UNC13C: variants seen among roughly 807,000 people sequenced by gnomAD.
The protein encoded by UNC13C is unc-13 homolog C, also known as protein unc-13 homolog C.
Under a neutral mutation model 245.4 loss-of-function variants are expected in UNC13C, and 174 were observed. That is an observed-to-expected ratio of 0.71 (90% CI 0.63 to 0.80). The LOEUF (loss-of-function observed/expected upper bound fraction) is 0.80, where lower values mean the gene tolerates loss of function less well. Ranked by LOEUF, UNC13C falls within the 30% of genes least tolerant of loss-of-function variation. UNC13C has a pLI of 0.00. For synonymous variants in UNC13C, 992 were observed against 895.1 expected (o/e 1.11, Z -1.93); for missense variants, 2,829 against 2,602.9 (o/e 1.09, Z -1.89).
chr15:54,103,753 A>C (rs183506499), intron 2 of UNC13C, among the ~76,000 whole-genome samples: 101 of 151,472 alleles, frequency 6.7e-4, no homozygotes, highest in African/African-American at 2.4e-3. Context: ...TTATTTATTT[A>C]TTTTTTTATG....
At chr15:54,242,004 AG>A (rs2035866290) in intron 7 of UNC13C, among the ~76,000 whole-genome samples, 1 of 152,208 alleles carries the variant, frequency 6.6e-6, no homozygotes. Context: ...TACCTTCTGT[AG>A]GGCCTAGGGC....
intron 13 of UNC13C, among the ~76,000 whole-genome samples, chr15:54,313,797 A>G (rs2037936009): frequency 6.6e-6 from 1 of 151,738 alleles, no homozygotes; most frequent in Admixed American, 6.6e-5. Flanking sequence ...CAAAGTAAAT[A>G]AAATCATTAT....
chr15:54,630,822 TTAAA>T (rs1040092877), downstream of UNC13C: 34 of 152,166 alleles, frequency 2.2e-4, no homozygotes, highest in Non-Finnish European at 4.0e-4. Flanking sequence ...TTTGCGAATG[TTAAA>T]TAATATATAT....
intron 2 of UNC13C, among the ~76,000 whole-genome samples, chr15:54,065,398 C>T (rs879612607): frequency 2.0e-5 from 3 of 152,184 alleles, no homozygotes; most frequent in Non-Finnish European, 2.9e-5. Flanking sequence ...CCTCACTGCA[C>T]CCTTTTATAT....
the UNC13C span, among the ~76,000 whole-genome samples, chr15:53,889,231 C>A: frequency 6.6e-6 from 1 of 152,124 alleles, no homozygotes; most frequent in African/African-American, 2.4e-5. Context: ...TTTCCTTGAG[C>A]AGTAGTTTGT....
intron 16 of UNC13C, among the ~76,000 whole-genome samples, chr15:54,337,614 T>C (rs2038618690): frequency 6.6e-6 from 1 of 152,188 alleles, no homozygotes; most frequent in African/African-American, 2.4e-5. Flanking sequence ...TTCTAATAAT[T>C]TCTAATTCTA....
At chr15:53,938,491 G>C in the UNC13C span, among the ~76,000 whole-genome samples, 3 of 152,162 alleles carry the variant, frequency 2.0e-5, no homozygotes, top group Non-Finnish European at 4.4e-5. Flanking sequence ...CCTGAACTGA[G>C]CTCTGGATCA....
chr15:54,423,260 A>C (rs2040690434), intron 19 of UNC13C, among the ~76,000 whole-genome samples: 2 of 151,830 alleles, frequency 1.3e-5, no homozygotes, highest in Non-Finnish European at 2.9e-5. Context: ...AGCTTCATAG[A>C]GTATGAAACT....
At chr15:54,509,168 C>T (rs1418983804) in intron 23 of UNC13C, among the ~76,000 whole-genome samples, 1 of 152,120 alleles carries the variant, frequency 6.6e-6, no homozygotes, top group Non-Finnish European at 1.5e-5. Flanking sequence ...CATTGCACTC[C>T]AGCCTGGCCA....
At chr15:54,237,713 A>G in intron 7 of UNC13C, 23 bp downstream of exon 7, 1 of 1,552,936 alleles carries the variant, frequency 6.4e-7, no homozygotes. Flanking sequence ...TATTGCTCAT[A>G]ATATCTAACT....
intron 2 of UNC13C, among the ~76,000 whole-genome samples, chr15:54,141,995 G>GTTCATTTATATAAACAA (rs1567044839): frequency 6.6e-6 from 1 of 152,014 alleles, no homozygotes; most frequent in Non-Finnish European, 1.5e-5. Flanking sequence ...ATATAAACAA[G>GTTCATTTATATAAACAA]GGATTTGAAC....
At chr15:54,184,426 C>T (rs1325318449) in intron 4 of UNC13C, among the ~76,000 whole-genome samples, 1 of 152,032 alleles carries the variant, frequency 6.6e-6, no homozygotes, top group South Asian at 2.1e-4. Flanking sequence ...GCTTCCCCCA[C>T]CCCACAACAG....
intron 4 of UNC13C, among the ~76,000 whole-genome samples, chr15:54,234,194 T>C (rs1285908508): frequency 6.6e-6 from 1 of 151,970 alleles, no homozygotes; most frequent in Non-Finnish European, 1.5e-5. Context: ...ATATTTTATG[T>C]GCGTTCATAA....
At chr15:54,086,342 CAA>C (rs1368176662) in intron 2 of UNC13C, among the ~76,000 whole-genome samples, 2 of 152,220 alleles carry the variant, frequency 1.3e-5, no homozygotes, top group South Asian at 2.1e-4. Flanking sequence ...ATAGGACATT[CAA>C]AAAAGTTTTT....
intron 2 of UNC13C, among the ~76,000 whole-genome samples, chr15:54,113,450 T>C (rs977000092): frequency 6.6e-6 from 1 of 152,058 alleles, no homozygotes; most frequent in Non-Finnish European, 1.5e-5. Context: ...TCTGCAGCTG[T>C]AGTAGGAAAG....
intron 17 of UNC13C, among the ~76,000 whole-genome samples, chr15:54,373,994 G>A (rs2039550867): frequency 6.6e-6 from 1 of 152,062 alleles, no homozygotes; most frequent in South Asian, 2.1e-4. Context: ...AAGAAACCCA[G>A]AGTGGGTAGC....
At chr15:53,906,825 T>C in the UNC13C span, among the ~76,000 whole-genome samples, 1 of 152,264 alleles carries the variant, frequency 6.6e-6, no homozygotes, top group South Asian at 2.1e-4. Context: ...CTTATAATCA[T>C]GGTGGAAGGC....
intron 24 of UNC13C, among the ~76,000 whole-genome samples, chr15:54,519,482 T>G (rs1380451646): frequency 6.6e-6 from 1 of 152,140 alleles, no homozygotes; most frequent in Non-Finnish European, 1.5e-5. Flanking sequence ...ACAGTGACAG[T>G]TGGATTTACT....
chr15:53,899,712 G>A, the UNC13C span, among the ~76,000 whole-genome samples: 1 of 152,090 alleles, frequency 6.6e-6, no homozygotes. Flanking sequence ...TTACAGGCAT[G>A]CGCCACCATG....
Sources: gnomAD v4.1 joint callset for allele counts (sites outside exome capture counted in the v4.1 genomes callset) on GRCh38, gnomAD v4.1.1 for gene constraint, MANE v1.5 for transcripts, NCBI Gene and HGNC (gene_info 2026-07-23, HGNC 2026-07-21) for gene names.